PEX7: variants seen among roughly 807,000 people sequenced by gnomAD.
The protein encoded by PEX7 is PTS2 receptor.
PEX7 carries 34 observed loss-of-function variants against 47.5 expected under a neutral mutation model. The observed-to-expected ratio is 0.72, with a 90% CI of 0.54 to 0.95. The LOEUF is 0.95. Among genes scored for constraint, PEX7 ranks in the 40% least tolerant of loss-of-function variants. The probability of loss-of-function intolerance (pLI) is 0.00; values close to 1 mark genes in which losing one functional copy is unlikely to be tolerated. For missense variants in PEX7, 394 were observed against 400.3 expected (o/e 0.98, Z 0.13); for synonymous variants, 141 against 148.8 (o/e 0.95, Z 0.38).
chr6:136,872,012 A>G (rs1775190354), intron 7 of PEX7, among the ~76,000 whole-genome samples, 186 bp from the exon 8 acceptor site: 1 of 152,138 alleles, frequency 6.6e-6, no homozygotes, highest in African/African-American at 2.4e-5. Context: ...CTGAAGATGG[A>G]TACTTATAAG....
chr6:136,906,128 G>T (rs556626103), intron 9 of PEX7, among the ~76,000 whole-genome samples: 32 of 152,140 alleles, frequency 2.1e-4, no homozygotes, highest in Non-Finnish European at 4.0e-4. Context: ...ATGCAAATCT[G>T]GTTTTGTTAG....
intron 8 of PEX7, among the ~76,000 whole-genome samples, chr6:136,885,291 A>T (rs1249899391): frequency 9.2e-5 from 14 of 152,320 alleles, no homozygotes; most frequent in Non-Finnish European, 1.5e-5. Flanking sequence ...CAGTTTCATG[A>T]TACTTTTATA....
intron 2 of PEX7, 81 bp downstream of exon 2, chr6:136,825,352 T>C (rs1774168784): frequency 8.7e-7 from 1 of 1,148,814 alleles, no homozygotes; most frequent in South Asian, 1.2e-5. Flanking sequence ...CTTTGATTAA[T>C]GTTTTAATAT....
At chr6:136,901,976 G>T (rs1775760163) in intron 9 of PEX7, among the ~76,000 whole-genome samples, 1 of 152,088 alleles carries the variant, frequency 6.6e-6, no homozygotes, top group Non-Finnish European at 1.5e-5. Flanking sequence ...GTAGAGATGG[G>T]GTTTCTCTAT....
chr6:136,861,769 C>G (rs1774967409), intron 5 of PEX7, among the ~76,000 whole-genome samples: 1 of 151,264 alleles, frequency 6.6e-6, no homozygotes, highest in Non-Finnish European at 1.5e-5. Flanking sequence ...CATTCTGTTT[C>G]TCATCTGGAC....
chr6:136,877,786 G>C (rs576839336), intron 8 of PEX7, among the ~76,000 whole-genome samples: 42 of 152,158 alleles, frequency 2.8e-4, no homozygotes, highest in South Asian at 1.7e-3. Context: ...GGCTTTATGG[G>C]CTCTTTTTCG....
intron 7 of PEX7, among the ~76,000 whole-genome samples, chr6:136,870,384 ATTCT>A (rs1775152234): frequency 6.6e-6 from 1 of 152,166 alleles, no homozygotes; most frequent in Admixed American, 6.5e-5. Context: ...GAGATGGTTA[ATTCT>A]TTCTTTTTCC....
chr6:136,869,957 C>T lies in PEX7; in HGVS notation c.701C>T (p.Pro234Leu), dbSNP rs759158962. 1.7e-5 allele frequency: 28 copies of T among 1,613,880 alleles called. No individual in the cohort carries two copies. The highest frequency in any genetic ancestry group is 2.4e-5 in the Non-Finnish European group (28 of 1,179,928). Residue 234 changes from proline (P) to leucine (L), a missense_variant, in exon 7 of 10, where the codon CCA (proline) becomes CTA (leucine). Pro to Leu is a moderately conservative substitution (Grantham distance 98, BLOSUM62 -3). Transcript: ENST00000318471. ...RGWDLRNVRQPVFELLGHTYA... is the reference protein window; with the variant it reads ...RGWDLRNVRQLVFELLGHTYA... ...TGGGACTTAAGGAATGTACGACAAC[C>T]AGTGTTTGAACTTCTTGGTCATACC...
chr6:136,845,550 A>C, intron 3 of PEX7, 65 bp from the exon 4 acceptor site: 15 of 893,192 alleles, frequency 1.7e-5, no homozygotes, highest in Non-Finnish European at 2.9e-5. Flanking sequence ...TTATGTAACA[A>C]GAGATAAAAT....
chr6:136,894,545 G>A (rs9373175), intron 8 of PEX7, among the ~76,000 whole-genome samples: 61,943 of 151,780 alleles, frequency 0.41, 13,428 homozygotes, highest in South Asian at 0.51. Flanking sequence ...AGCCGAGATC[G>A]CGCCACTGCA....
intron 8 of PEX7, among the ~76,000 whole-genome samples, chr6:136,873,574 A>C (rs1043938104): frequency 3.3e-5 from 5 of 152,146 alleles, no homozygotes; most frequent in African/African-American, 1.2e-4. Context: ...ATCACCTGCA[A>C]ATAAAGGTGG....
intron 1 of PEX7, 43 bp downstream of exon 1, chr6:136,822,838 A>C (rs62420682): frequency 1.7e-6 from 1 of 605,500 alleles, no homozygotes; most frequent in African/African-American, 2.2e-5. Flanking sequence ...GCGGAGGCGG[A>C]GGCGGGGGCC....
chr6:136,910,236 A>AG (rs1330395614), intron 9 of PEX7, among the ~76,000 whole-genome samples: 2 of 152,214 alleles, frequency 1.3e-5, no homozygotes, highest in East Asian at 3.8e-4. Flanking sequence ...TGTTCTAATA[A>AG]GACATGGTCC....
intron 3 of PEX7, among the ~76,000 whole-genome samples, chr6:136,829,758 G>A (rs143794021): frequency 0.042 from 6,419 of 152,036 alleles, 493 homozygotes; most frequent in African/African-American, 0.15. Flanking sequence ...CCAACATGGC[G>A]AAAACCCCGC....
At chr6:136,862,102 C>T (rs1477904212) in intron 5 of PEX7, among the ~76,000 whole-genome samples, 2 of 141,680 alleles carry the variant, frequency 1.4e-5, no homozygotes, top group African/African-American at 5.2e-5. Context: ...AAACTTGCTC[C>T]ATTGCCCAGG....
chr6:136,864,154 C>T (rs1345973835), intron 5 of PEX7, among the ~76,000 whole-genome samples: 2 of 151,938 alleles, frequency 1.3e-5, no homozygotes, highest in Non-Finnish European at 2.9e-5. Flanking sequence ...TTTATATCTC[C>T]AAATTCCTAC....
intron 8 of PEX7, among the ~76,000 whole-genome samples, chr6:136,876,502 C>G (rs914965021): frequency 5.3e-5 from 8 of 152,150 alleles, no homozygotes; most frequent in Non-Finnish European, 1.0e-4. Flanking sequence ...CCCCCACCCC[C>G]CAAAAGGCCC....
intron 9 of PEX7, among the ~76,000 whole-genome samples, chr6:136,912,478 A>G (rs1262802086): frequency 2.6e-5 from 4 of 152,066 alleles, no homozygotes; most frequent in African/African-American, 4.8e-5. Context: ...TGAAAAGACT[A>G]TTTTTTCCTT....
At chr6:136,840,371 A>G (rs1321069751) in intron 3 of PEX7, among the ~76,000 whole-genome samples, 1 of 151,398 alleles carries the variant, frequency 6.6e-6, no homozygotes, top group Non-Finnish European at 1.5e-5. Flanking sequence ...CTATTTATAT[A>G]TTTTTTGCTT....
Sources: allele counts gnomAD v4.1 joint callset (sites outside exome capture counted in the v4.1 genomes callset), GRCh38; gene constraint gnomAD v4.1.1; transcripts MANE v1.5; gene names NCBI Gene and HGNC (gene_info 2026-07-23, HGNC 2026-07-21).